Variants in PDZRN3 observed in about 807,000 individuals in gnomAD.
PDZRN3 encodes PDZ domain containing ring finger 3.
A neutral mutation model predicts 85.7 loss-of-function variants in PDZRN3; 38 were observed. The ratio of observed to expected loss-of-function variants is 0.44; its 90% CI spans 0.34 to 0.58. The LOEUF is 0.58. Among genes scored for constraint, PDZRN3 ranks in the 20% least tolerant of loss-of-function variants. The probability of loss-of-function intolerance (pLI) is 0.01; values close to 1 mark genes in which losing one functional copy is unlikely to be tolerated. For missense variants in PDZRN3, 1,629 were observed against 1,506.4 expected (o/e 1.08, Z -1.35); for synonymous variants, 759 against 638.0 (o/e 1.19, Z -2.86).
chr3:73,393,047 T>A (rs1010401840), intron 5 of PDZRN3, among the ~76,000 whole-genome samples: 5 of 152,114 alleles, frequency 3.3e-5, no homozygotes, highest in Admixed American at 6.5e-5. Flanking sequence ...GAACACTTTT[T>A]CAGTTTTGAC....
intron 3 of PDZRN3, among the ~76,000 whole-genome samples, chr3:73,472,982 G>A (rs557745115): frequency 6.6e-6 from 1 of 152,170 alleles, no homozygotes; most frequent in African/African-American, 2.4e-5. Flanking sequence ...TTTAATTAAC[G>A]TGCAGTGAAT....
At chr3:73,455,719 T>A (rs1702963825) in intron 3 of PDZRN3, among the ~76,000 whole-genome samples, 1 of 152,234 alleles carries the variant, frequency 6.6e-6, no homozygotes, top group Non-Finnish European at 1.5e-5. Flanking sequence ...ATAGATCGTT[T>A]TTCTCTAGCA....
intron 3 of PDZRN3, among the ~76,000 whole-genome samples, chr3:73,422,375 G>GT (rs1361109241): frequency 6.6e-6 from 1 of 152,092 alleles, no homozygotes; most frequent in Admixed American, 6.5e-5. Flanking sequence ...AATAATAACT[G>GT]TATCTATACT....
At chr3:73,455,935 A>G (rs1169631137) in intron 3 of PDZRN3, among the ~76,000 whole-genome samples, 3 of 152,238 alleles carry the variant, frequency 2.0e-5, no homozygotes, top group Non-Finnish European at 1.5e-5. Context: ...AGTTATGGGA[A>G]TTAGACTTAT....
Position 73,537,837 on chromosome 3 carries a change from G to A in PDZRN3, c.918+64517C>T, listed in dbSNP as rs149537454. 7.0e-3 allele frequency among the ~76,000 whole-genome samples: 1,053 copies of A among 151,384 alleles called. 12 individuals are homozygous for A. Among genetic ancestry groups the A allele is most frequent in the African/African-American group, 0.022 (890 of 41,166 alleles). Reference sequence around the variant, plus strand: ...GACGGGGTTTCACTGTGTCGGCCAGGCTGGTCTCGACCTCCTGATCTCAAA... The same window carrying A: ...GACGGGGTTTCACTGTGTCGGCCAGACTGGTCTCGACCTCCTGATCTCAAA... On this transcript the variant is annotated intron_variant, in intron 3 of 9. Coordinates refer to ENST00000263666, the MANE Select transcript of PDZRN3 (RefSeq NM_015009.3).
intron 1 of PDZRN3, among the ~76,000 whole-genome samples, chr3:73,613,277 T>C (rs989045076): frequency 4.1e-4 from 63 of 151,950 alleles, no homozygotes; most frequent in African/African-American, 1.4e-3. Flanking sequence ...AGCACAGATA[T>C]GACAGGGAGA....
At chr3:73,456,656 C>T (rs754250901) in intron 3 of PDZRN3, among the ~76,000 whole-genome samples, 4 of 152,052 alleles carry the variant, frequency 2.6e-5, no homozygotes, top group Admixed American at 6.5e-5. Context: ...ACAATAACAT[C>T]GTCATGTATA....
At chr3:73,452,843 G>A (rs891013664) in intron 3 of PDZRN3, among the ~76,000 whole-genome samples, 1 of 148,326 alleles carries the variant, frequency 6.7e-6, no homozygotes, top group Non-Finnish European at 1.5e-5. Flanking sequence ...ATATATCTGT[G>A]TGTGTGTGTG....
At chr3:73,401,167 C>A in intron 4 of PDZRN3, 158 bp from the exon 5 acceptor site, 1 of 589,604 alleles carries the variant, frequency 1.7e-6, no homozygotes. Flanking sequence ...ACGGTCAGGA[C>A]CTCCATCATC....
chr3:73,495,128 C>T (rs62246106), intron 3 of PDZRN3, among the ~76,000 whole-genome samples: 61,113 of 151,924 alleles, frequency 0.4, 14,061 homozygotes, highest in East Asian at 0.69. Flanking sequence ...ACGCAATATG[C>T]CCATGTAACA....
chr3:73,443,276 C>CA (rs1010020240), intron 3 of PDZRN3, among the ~76,000 whole-genome samples: 62 of 152,268 alleles, frequency 4.1e-4, no homozygotes, highest in African/African-American at 1.4e-3. Context: ...CCCAGGACAA[C>CA]AGCTGCTCTA....
At chr3:73,403,093 G>A (rs1012227302) in intron 4 of PDZRN3, among the ~76,000 whole-genome samples, 7 of 152,078 alleles carry the variant, frequency 4.6e-5, no homozygotes, top group South Asian at 2.1e-4. Context: ...ACAGGTGACC[G>A]CCACCACACC....
At chr3:73,622,196 C>T (rs57686766) in intron 1 of PDZRN3, among the ~76,000 whole-genome samples, 18,260 of 152,176 alleles carry the variant, frequency 0.12, 1,941 homozygotes, top group African/African-American at 0.29. Context: ...AGGTCCTGGG[C>T]AAGCTGTGGA....
intron 3 of PDZRN3, among the ~76,000 whole-genome samples, chr3:73,501,355 T>C (rs1254373070): frequency 1.3e-5 from 2 of 152,158 alleles, no homozygotes; most frequent in African/African-American, 4.8e-5. Flanking sequence ...TCTCATCTAC[T>C]TTTAACATGT....
intron 3 of PDZRN3, among the ~76,000 whole-genome samples, chr3:73,449,866 C>G (rs1381871301): frequency 2.6e-5 from 4 of 152,140 alleles, no homozygotes; most frequent in African/African-American, 9.7e-5. Context: ...GTTCTAACTG[C>G]ATGCTTTACG....
intron 3 of PDZRN3, among the ~76,000 whole-genome samples, chr3:73,586,128 T>C (rs1055415591): frequency 2.0e-5 from 3 of 152,222 alleles, no homozygotes; most frequent in African/African-American, 7.2e-5. Context: ...ATATTTATAT[T>C]TTTTAAAAAG....
chr3:73,515,553 T>C (rs1378816590), intron 3 of PDZRN3, among the ~76,000 whole-genome samples: 1 of 152,174 alleles, frequency 6.6e-6, no homozygotes, highest in Non-Finnish European at 1.5e-5. Context: ...GGAAATGACC[T>C]CATCCACCCG....
chr3:73,591,327 C>T (rs2106880149), intron 3 of PDZRN3, among the ~76,000 whole-genome samples: 1 of 152,260 alleles, frequency 6.6e-6, no homozygotes, highest in South Asian at 2.1e-4. Flanking sequence ...TTTTGGAACA[C>T]TTATGTCAGC....
intron 3 of PDZRN3, among the ~76,000 whole-genome samples, chr3:73,540,698 C>T (rs1704900188): frequency 6.6e-6 from 1 of 152,140 alleles, no homozygotes; most frequent in Non-Finnish European, 1.5e-5. Flanking sequence ...TGTAAGTTTC[C>T]TGAGGCCTCC....
Sources: allele counts gnomAD v4.1 joint callset (sites outside exome capture counted in the v4.1 genomes callset), GRCh38; gene constraint gnomAD v4.1.1; transcripts MANE v1.5; gene names NCBI Gene and HGNC (gene_info 2026-07-23, HGNC 2026-07-21).